SOBP: variants seen among roughly 807,000 people sequenced by gnomAD.
SOBP encodes sine oculis-binding protein homolog.
In SOBP, 4 loss-of-function variants were observed where a neutral mutation model predicts 53.6. The ratio of observed to expected loss-of-function variants is 0.07; its 90% CI spans 0.04 to 0.17. The LOEUF (loss-of-function observed/expected upper bound fraction) is 0.17. Among genes scored for constraint, SOBP ranks in the 10% least tolerant of loss-of-function variants. The probability of loss-of-function intolerance (pLI) is 1.00; values close to 1 mark genes in which losing one functional copy is unlikely to be tolerated. For synonymous variants in SOBP, 584 were observed against 522.6 expected (o/e 1.12, Z -1.60); for missense variants, 1,088 against 1,204.7 (o/e 0.90, Z 1.43).
chr6:107,566,158 T>C (rs1187220238), intron 4 of SOBP, among the ~76,000 whole-genome samples: 11 of 152,246 alleles, frequency 7.2e-5, no homozygotes, highest in African/African-American at 2.7e-4. Flanking sequence ...GTCTAATCCG[T>C]ACATTTAGTG....
At chr6:107,514,511 G>T (rs1783260711) in intron 3 of SOBP, 1 of 152,070 alleles carries the variant, frequency 6.6e-6, no homozygotes, top group South Asian at 2.1e-4. Flanking sequence ...TACAATTAAG[G>T]GTTCTTAAAA....
intron 6 of SOBP, among the ~76,000 whole-genome samples, chr6:107,654,974 TA>T (rs1374977752): frequency 6.6e-6 from 1 of 150,926 alleles, no homozygotes; most frequent in Non-Finnish European, 1.5e-5. Context: ...AGGAACATAG[TA>T]GAAGAATCGA....
At chr6:107,643,022 A>G (rs1771397342) in intron 6 of SOBP, among the ~76,000 whole-genome samples, 1 of 152,232 alleles carries the variant, frequency 6.6e-6, no homozygotes, top group South Asian at 2.1e-4. Flanking sequence ...AAGTGTTTCT[A>G]AAATGTTACT....
intron 4 of SOBP, among the ~76,000 whole-genome samples, chr6:107,542,934 C>A (rs927007892): frequency 2.6e-5 from 4 of 152,070 alleles, no homozygotes; most frequent in African/African-American, 4.8e-5. Context: ...CTAACTCTTG[C>A]TCTGAGAGAC....
In SOBP at chr6:107,558,565, G is replaced by T. The variant is rs969380180; in HGVS notation, c.573+24955G>T. Among the ~76,000 whole-genome samples, 3 of 152,040 alleles carry T rather than the reference G, an allele frequency of 2.0e-5. No homozygotes were observed. The South Asian group carries it at 6.2e-4, about 31-fold the overall frequency. ...TTACAGGTGTGAGCCACCGCGCCCG[G>T]CCTAAAGATCTAGTTCTTGAATAGC... On this transcript the variant is annotated intron_variant, in intron 4 of 6. Coordinates refer to ENST00000317357, the MANE Select transcript of SOBP (RefSeq NM_018013.4).
At chr6:107,603,946 T>A (rs1171151667) in intron 5 of SOBP, among the ~76,000 whole-genome samples, 1 of 151,886 alleles carries the variant, frequency 6.6e-6, no homozygotes, top group Non-Finnish European at 1.5e-5. Flanking sequence ...ACTGGGGGCA[T>A]CCTTTGTTGG....
At chr6:107,649,803 TA>T (rs1430077798) in intron 6 of SOBP, among the ~76,000 whole-genome samples, 1 of 152,118 alleles carries the variant, frequency 6.6e-6, no homozygotes. Context: ...GGAAAGAACT[TA>T]GTAAAGAGGA....
intron 4 of SOBP, among the ~76,000 whole-genome samples, chr6:107,584,289 A>G (rs1045734440): frequency 6.6e-6 from 1 of 152,090 alleles, no homozygotes; most frequent in Non-Finnish European, 1.5e-5. Context: ...GATGATTCTA[A>G]TATGCAGCTG....
chr6:107,566,173 T>C (rs570752463), intron 4 of SOBP, among the ~76,000 whole-genome samples: 2 of 152,338 alleles, frequency 1.3e-5, no homozygotes, highest in Non-Finnish European at 2.9e-5. Flanking sequence ...TTAGTGGTGA[T>C]TTCAGGTGAT....
chr6:107,500,170 T>A (rs140491932), intron 1 of SOBP, among the ~76,000 whole-genome samples: 231 of 152,174 alleles, frequency 1.5e-3, no homozygotes, highest in African/African-American at 5.2e-3. Flanking sequence ...AGCAGGTGGA[T>A]CACTTAAGGT....
chr6:107,491,878 C>T (rs923443272), intron 1 of SOBP, among the ~76,000 whole-genome samples: 7 of 152,140 alleles, frequency 4.6e-5, no homozygotes, highest in Admixed American at 3.9e-4. Flanking sequence ...CGCTTTGACG[C>T]TTTCTTCATT....
At chr6:107,595,565 CTCCAGTGGCT>C (rs1785920136) in intron 5 of SOBP, among the ~76,000 whole-genome samples, 1 of 152,000 alleles carries the variant, frequency 6.6e-6, no homozygotes, top group South Asian at 2.1e-4. Context: ...GAGAATTCAC[CTCCAGTGGCT>C]TCAAGGAAAC....
At chr6:107,502,477 A>G (rs1782869207) in intron 1 of SOBP, among the ~76,000 whole-genome samples, 2 of 152,224 alleles carry the variant, frequency 1.3e-5, no homozygotes, top group Admixed American at 1.3e-4. Context: ...AGGTAAAAAT[A>G]TATAGTCACT....
At chr6:107,638,717 G>T (rs1266678311) in intron 6 of SOBP, among the ~76,000 whole-genome samples, 1 of 152,162 alleles carries the variant, frequency 6.6e-6, no homozygotes. Flanking sequence ...AGGCTGAGAT[G>T]TGGTGGGTGA....
chr6:107,490,718 T>C lies in SOBP; in HGVS notation c.96+6T>C. 1 of 1,561,854 alleles carries C rather than the reference T, an allele frequency of 6.4e-7. No individual in the cohort carries two copies. The highest frequency in any genetic ancestry group is 8.8e-7 in the Non-Finnish European group (1 of 1,141,006). On this transcript the variant is annotated splice_donor_region_variant and intron_variant, in intron 1 of 6. Coordinates refer to ENST00000317357, the MANE Select transcript of SOBP (RefSeq NM_018013.4). ...AGATCAATGAGGAGATGAAGGTATTTTTTGATCTCGGGGGCCAGGGAGACT... is the reference window on the plus strand; with the variant it reads ...AGATCAATGAGGAGATGAAGGTATTCTTTGATCTCGGGGGCCAGGGAGACT...
At chr6:107,652,298 A>T (rs1771834496) in intron 6 of SOBP, among the ~76,000 whole-genome samples, 1 of 152,244 alleles carries the variant, frequency 6.6e-6, no homozygotes. Flanking sequence ...AGGAGTTTGG[A>T]AGGAGTTTAT....
intron 6 of SOBP, among the ~76,000 whole-genome samples, chr6:107,646,828 C>T (rs1301130347): frequency 6.6e-6 from 1 of 152,192 alleles, no homozygotes; most frequent in Non-Finnish European, 1.5e-5. Context: ...AATATCTGCT[C>T]TGGAGTTGGG....
At position 107,635,350 on chromosome 6, in the gene SOBP, G is replaced by A. The variant is rs763590659; in HGVS notation, c.2506G>A (p.Glu836Lys). 1.9e-6 allele frequency: 3 copies of A among 1,613,648 alleles called. No individual in the cohort carries two copies. Among genetic ancestry groups the A allele is most frequent in the Non-Finnish European group, 1.7e-6 (2 of 1,180,038 alleles). Residue 836 changes from glutamate to lysine, a missense_variant, in exon 6 of 7, where the codon GAG (glutamate) becomes AAG (lysine). This residue lies in a region of SOBP where 665 missense variants were observed against 629.7 expected (regional missense o/e 1.06). Coordinates refer to ENST00000317357, the MANE Select transcript of SOBP (RefSeq NM_018013.4). This position sits in a 1 kb window ranked among gnomAD's most constrained non-coding sequence, Gnocchi z 4.5. Reference protein sequence around the residue: ...CVIQPVPKPAEKAAMAPCIIS... With the variant: ...CVIQPVPKPAKKAAMAPCIIS... Reference sequence around the variant, plus strand: ...GATCCAGCCTGTGCCAAAACCCGCGGAGAAGGCTGCCATGGCACCGTGCAT... The same window carrying A: ...GATCCAGCCTGTGCCAAAACCCGCGAAGAAGGCTGCCATGGCACCGTGCAT...
chr6:107,646,973 TG>T (rs1475471535), intron 6 of SOBP, among the ~76,000 whole-genome samples: 2 of 152,172 alleles, frequency 1.3e-5, no homozygotes, highest in Admixed American at 1.3e-4. Context: ...GTATAAAGTG[TG>T]GCTCATCACA....
Sources: gnomAD v4.1 joint callset for allele counts (sites outside exome capture counted in the v4.1 genomes callset) on GRCh38, gnomAD v4.1.1 for gene constraint, gnomAD v4.1.1 regional missense constraint, Gnocchi (gnomAD v3.1) non-coding constraint, MANE v1.5 for transcripts, NCBI Gene and HGNC (gene_info 2026-07-23, HGNC 2026-07-21) for gene names.